Variants in AGMO observed in about 807,000 individuals in gnomAD.
AGMO encodes glyceryl-ether monooxygenase.
AGMO carries 75 observed loss-of-function variants against 60.2 expected under a neutral mutation model. The observed-to-expected ratio is 1.25, with a 90% CI of 1.03 to 1.51. AGMO has a LOEUF of 1.51. AGMO is among the 40% of genes most tolerant of loss of function. The pLI is 0.00. For synonymous variants in AGMO, 261 were observed against 177.1 expected (o/e 1.47, Z -3.76); for missense variants, 763 against 525.5 (o/e 1.45, Z -4.42).
chr7:15,464,705 G>C (rs1782233125), intron 3 of AGMO, among the ~76,000 whole-genome samples: 1 of 152,186 alleles, frequency 6.6e-6, no homozygotes, highest in African/African-American at 2.4e-5. Flanking sequence ...TTGTAGACAA[G>C]ACAGCAGTTA....
intron 12 of AGMO, among the ~76,000 whole-genome samples, chr7:15,277,379 T>C (rs1169039955): frequency 6.6e-6 from 1 of 152,104 alleles, no homozygotes; most frequent in Non-Finnish European, 1.5e-5. Flanking sequence ...GCATTTTCAC[T>C]TCAGTTAGGG....
At position 15,270,060 on chromosome 7, in the gene AGMO, C is replaced by T. The variant is rs539430530; in HGVS notation, c.1264-68701G>A. Among the ~76,000 whole-genome samples the T allele has an allele frequency of 2.6e-5, 4 of 151,862 alleles. No individual in the cohort carries two copies. The South Asian group carries it at 6.2e-4, about 24-fold the overall frequency. ...ATGATTTTATTAGTGTAACTAATGC[C>T]GCAAAAAAGATATAAATGCAGGTGT... On this transcript the variant is annotated intron_variant, in intron 12 of 12. Transcript: ENST00000342526.
At chr7:15,286,025 T>C (rs1415038809) in intron 12 of AGMO, among the ~76,000 whole-genome samples, 1 of 152,054 alleles carries the variant, frequency 6.6e-6, no homozygotes, top group Non-Finnish European at 1.5e-5. Context: ...TAGCCATATG[T>C]AGAAGAATAA....
intron 10 of AGMO, among the ~76,000 whole-genome samples, chr7:15,369,779 G>A (rs922574849): frequency 6.6e-6 from 1 of 152,002 alleles, no homozygotes; most frequent in African/African-American, 2.4e-5. Context: ...CAAGGGCCTA[G>A]AATATAGAAC....
chr7:15,196,315 T>C (rs1200285528), downstream of AGMO, among the ~76,000 whole-genome samples: 5 of 152,030 alleles, frequency 3.3e-5, no homozygotes, highest in Admixed American at 3.3e-4. Flanking sequence ...TCCCAAAGTG[T>C]TGGGATTACA....
At chr7:15,223,566 T>C (rs957392235) in intron 12 of AGMO, among the ~76,000 whole-genome samples, 7 of 151,888 alleles carry the variant, frequency 4.6e-5, no homozygotes, top group Admixed American at 3.3e-4. Context: ...GGAGAAATAT[T>C]TTTTCCACAG....
chr7:15,225,386 T>A (rs569643742), intron 12 of AGMO, among the ~76,000 whole-genome samples: 14 of 151,936 alleles, frequency 9.2e-5, no homozygotes, highest in Non-Finnish European at 7.4e-5. Context: ...TTTTAATTAC[T>A]ATGTCAAAGA....
At chr7:15,394,203 T>TA in intron 5 of AGMO, 24 bp from the exon 6 acceptor site, 1 of 1,488,748 alleles carries the variant, frequency 6.7e-7, no homozygotes, top group Non-Finnish European at 9.4e-7. Context: ...AAGGAATATT[T>TA]ATACATGTAG....
At chr7:15,305,837 T>C (rs890689172) in intron 12 of AGMO, among the ~76,000 whole-genome samples, 3 of 152,000 alleles carry the variant, frequency 2.0e-5, no homozygotes, top group Non-Finnish European at 4.4e-5. Flanking sequence ...GCACTAAGAA[T>C]GTGTAATGAA....
chr7:15,149,645 G>A, the AGMO span, among the ~76,000 whole-genome samples: 2 of 152,010 alleles, frequency 1.3e-5, no homozygotes, highest in Non-Finnish European at 2.9e-5. Context: ...TTATTTCTGG[G>A]TTCTCTAACC....
At chr7:15,281,619 A>G (rs1783968153) in intron 12 of AGMO, among the ~76,000 whole-genome samples, 1 of 152,028 alleles carries the variant, frequency 6.6e-6, no homozygotes, top group South Asian at 2.1e-4. Flanking sequence ...TTTCCCTGAC[A>G]AGACTTCAGT....
chr7:15,204,604 A>G (rs1423160938), intron 12 of AGMO, among the ~76,000 whole-genome samples: 3 of 152,290 alleles, frequency 2.0e-5, no homozygotes, highest in Admixed American at 2.0e-4. Flanking sequence ...GAGGAAGTTC[A>G]TTCTTAGTGT....
intron 3 of AGMO, among the ~76,000 whole-genome samples, chr7:15,437,973 T>G (rs561128998): frequency 2.0e-5 from 3 of 152,304 alleles, no homozygotes; most frequent in African/African-American, 7.2e-5. Context: ...ATAATCACAC[T>G]TTAACATATT....
At chr7:15,152,216 TTTTTG>T in the AGMO span, among the ~76,000 whole-genome samples, 2 of 152,186 alleles carry the variant, frequency 1.3e-5, no homozygotes, top group Non-Finnish European at 2.9e-5. Flanking sequence ...CAACACTCTT[TTTTTG>T]TTTTGTTTTT....
chr7:15,544,173 G>A (rs79190206), intron 3 of AGMO, among the ~76,000 whole-genome samples: 1 of 151,336 alleles, frequency 6.6e-6, no homozygotes, highest in East Asian at 2.0e-4. Flanking sequence ...TAAGCTAAGA[G>A]GACACAAAGG....
At chr7:15,396,023 T>G (rs1271334188) in intron 5 of AGMO, 3 of 152,258 alleles carry the variant, frequency 2.0e-5, no homozygotes, top group African/African-American at 7.2e-5. Context: ...ATCATCTCCC[T>G]ATTAAGCACA....
intron 12 of AGMO, among the ~76,000 whole-genome samples, chr7:15,273,731 G>A (rs924937018): frequency 2.5e-4 from 38 of 151,992 alleles, no homozygotes; most frequent in African/African-American, 7.7e-4. Context: ...CATTTTCACG[G>A]TATTGATTCT....
At chr7:15,361,070 G>C (rs1782732435) in intron 12 of AGMO, among the ~76,000 whole-genome samples, 1 of 152,098 alleles carries the variant, frequency 6.6e-6, no homozygotes, top group African/African-American at 2.4e-5. Flanking sequence ...TTGTTACTAA[G>C]TGATGCCTTA....
chr7:15,454,423 A>G (rs1205000963), intron 3 of AGMO, among the ~76,000 whole-genome samples: 1 of 151,972 alleles, frequency 6.6e-6, no homozygotes, highest in Non-Finnish European at 1.5e-5. Flanking sequence ...GTGGAGAGAC[A>G]GATATGTTAA....
Sources: allele counts gnomAD v4.1 joint callset (sites outside exome capture counted in the v4.1 genomes callset), GRCh38; gene constraint gnomAD v4.1.1; transcripts MANE v1.5; gene names NCBI Gene and HGNC (gene_info 2026-07-23, HGNC 2026-07-21).